The following PIGN variants were observed in gnomAD, a reference collection of about 807,000 sequenced individuals.
The protein encoded by PIGN is GPI ethanolamine phosphate transferase 1.
A neutral mutation model predicts 125.4 loss-of-function variants in PIGN; 117 were observed. The ratio of observed to expected loss-of-function variants is 0.93; its 90% CI spans 0.80 to 1.09. The LOEUF (loss-of-function observed/expected upper bound fraction) is 1.09, where lower values mean the gene tolerates loss of function less well. Among genes scored for constraint, PIGN ranks in the 50% least tolerant of loss-of-function variants. PIGN has a pLI of 0.00. For missense variants in PIGN, 1,075 were observed against 1,094.9 expected, an observed-to-expected ratio of 0.98 and a Z score of 0.26; for synonymous variants, 392 against 377.8, an observed-to-expected ratio of 1.04 and a Z score of -0.44.
chr18:62,030,715 G>A (rs964546734), intron 23 of PIGN, among the ~76,000 whole-genome samples: 4 of 152,158 alleles, frequency 2.6e-5, no homozygotes, highest in African/African-American at 7.2e-5. Flanking sequence ...CCAGTAAATT[G>A]CTTGTGCTAT....
In PIGN at chr18:62,107,860, C is replaced by G. The variant is rs544596868; in HGVS notation, c.1575-775G>C. 2.6e-5 allele frequency among the ~76,000 whole-genome samples: 4 copies of G among 152,220 alleles called. No individual in the cohort carries two copies. The South Asian group carries it at 8.3e-4, about 32-fold the overall frequency. ...GAAAAATCTTAATTACATTTTCTAA[C>G]TGAGCTAAATAACCTTTTCCAAACC... On this transcript the variant is annotated intron_variant, in intron 17 of 30. Coordinates refer to ENST00000640252, the MANE Select transcript of PIGN (RefSeq NM_176787.5).
At chr18:62,024,469 AT>A (rs1160648761) in intron 23 of PIGN, among the ~76,000 whole-genome samples, 2 of 152,134 alleles carry the variant, frequency 1.3e-5, no homozygotes, top group African/African-American at 4.8e-5. Context: ...ATCTGATATC[AT>A]TTATACAATC....
chr18:62,086,127 A>G (rs1245152206), intron 25 of PIGN, among the ~76,000 whole-genome samples: 1 of 152,234 alleles, frequency 6.6e-6, no homozygotes, highest in African/African-American at 2.4e-5. Flanking sequence ...CATAAATAAA[A>G]TAGTCTCAAA....
downstream of PIGN, among the ~76,000 whole-genome samples, chr18:62,037,072 C>T (rs1028661653): frequency 1.3e-5 from 2 of 152,188 alleles, no homozygotes; most frequent in African/African-American, 4.8e-5. Flanking sequence ...ATGCCACTGA[C>T]CTGCACATTA....
At position 62,033,339 on chromosome 18, in the gene PIGN, C is replaced by A. The variant is rs116657956; in HGVS notation, c.2143-15598G>T. Among the ~76,000 whole-genome samples the A allele has an allele frequency of 9.7e-4, 147 of 152,214 alleles. 1 individual carries two copies. The highest frequency in any genetic ancestry group is 3.4e-3 in the African/African-American group (143 of 41,544). On this transcript the variant is annotated intron_variant, in intron 23 of 24. Coordinates refer to the PIGN transcript ENST00000639600. Reference sequence around the variant, plus strand: ...AAGTTGGATTGAGAGGAAAGCATACCGATAAGAGGCTGCCTCATACTGAAC... The same window carrying A: ...AAGTTGGATTGAGAGGAAAGCATACAGATAAGAGGCTGCCTCATACTGAAC...
At chr18:62,040,328 T>C (rs2030337298), downstream of PIGN, among the ~76,000 whole-genome samples, 1 of 152,146 alleles carries the variant, frequency 6.6e-6, no homozygotes, top group Non-Finnish European at 1.5e-5. Context: ...CCCCATGCAG[T>C]GGTCATGTCT....
At chr18:62,145,400 A>G (rs531849352) in intron 10 of PIGN, among the ~76,000 whole-genome samples, 2 of 152,256 alleles carry the variant, frequency 1.3e-5, no homozygotes, top group Non-Finnish European at 2.9e-5. Context: ...CATGCTGTTG[A>G]GTGCATTATT....
chr18:62,173,380 C>G (rs2037406584), intron 1 of PIGN, among the ~76,000 whole-genome samples: 1 of 152,018 alleles, frequency 6.6e-6, no homozygotes, highest in Non-Finnish European at 1.5e-5. Flanking sequence ...ACAAGGTGTG[C>G]CACTACACCT....
At chr18:62,183,843 TA>T (rs11402487) in intron 1 of PIGN, among the ~76,000 whole-genome samples, 17 of 146,818 alleles carry the variant, frequency 1.2e-4, no homozygotes, top group Middle Eastern at 3.5e-3. Context: ...GAAAATACTT[TA>T]AAAAAAAAAA....
intron 14 of PIGN, among the ~76,000 whole-genome samples, chr18:62,115,166 A>G (rs1396978135): frequency 6.6e-6 from 1 of 152,158 alleles, no homozygotes; most frequent in Non-Finnish European, 1.5e-5. Context: ...ATACTATATC[A>G]TATACCTTCT....
At chr18:62,128,454 T>C (rs1225503130) in intron 14 of PIGN, among the ~76,000 whole-genome samples, 2 of 152,062 alleles carry the variant, frequency 1.3e-5, no homozygotes, top group Admixed American at 1.3e-4. Context: ...CCACGGAAGG[T>C]ATTTTACATT....
In PIGN at chr18:62,072,729, T is replaced by TTAA. The variant is rs112622481; in HGVS notation, c.2620-5_2620-4insTTA. 1 of 1,425,048 alleles carries TTAA rather than the reference T, an allele frequency of 7.0e-7. No homozygotes were observed. The highest frequency in any genetic ancestry group is 2.4e-5 in the East Asian group (1 of 41,062). 88.3% of individuals were successfully genotyped at this position (1,425,048 alleles called of 1,614,324 possible). A position where few individuals can be genotyped will look rare whatever the true frequency, so the allele number is the denominator to read the frequency against. On this transcript the variant is annotated splice_polypyrimidine_tract_variant and splice_region_variant and intron_variant, in intron 29 of 30. Coordinates refer to ENST00000640252, the MANE Select transcript of PIGN (RefSeq NM_176787.5). Reference sequence around the variant, plus strand: ...CCTTGACCAAGAAGAAAAAATGCTGTAAAAAAAAAAAAAGGCTTAATGAAA... The same window carrying TTAA: ...CCTTGACCAAGAAGAAAAAATGCTGTTAAAAAAAAAAAAAAAGGCTTAATGAAA...
At chr18:62,182,916 T>C (rs2037766976) in intron 1 of PIGN, among the ~76,000 whole-genome samples, 2 of 152,200 alleles carry the variant, frequency 1.3e-5, no homozygotes, top group Admixed American at 1.3e-4. Flanking sequence ...AGAAGCAGAA[T>C]GGTGGTAACC....
intron 19 of PIGN, among the ~76,000 whole-genome samples, chr18:62,105,976 C>T (rs1447092789): frequency 1.3e-5 from 2 of 152,082 alleles, no homozygotes; most frequent in Non-Finnish European, 2.9e-5. Context: ...ATAAGTAGTA[C>T]CAGGTCCATG....
chr18:62,112,979 A>C (rs747747737), intron 16 of PIGN, 155 bp downstream of exon 16: 112 of 565,210 alleles, frequency 2.0e-4, no homozygotes, highest in South Asian at 1.6e-3. Flanking sequence ...AGAAACAGAG[A>C]TAACTGAGGA....
At chr18:62,101,037 A>G in intron 22 of PIGN, 38 bp downstream of exon 22, 1 of 1,008,290 alleles carries the variant, frequency 9.9e-7, no homozygotes, top group Non-Finnish European at 1.6e-6. Context: ...AACTAAGTTG[A>G]TGTCAAATTA....
rs1478932484 is a variant in PIGN, at chr18:62,145,944, A to T, written c.887T>A (p.Val296Glu). The change falls in exon 10 of 31, where the codon GTA becomes GAA. Residue 296 changes from valine (V) to glutamate (E), a missense_variant. Around this residue, in one of 3 missense-constraint regions of PIGN, gnomAD observed 915 missense variants for 908.7 expected, o/e 1.01. Transcript: ENST00000640252. Reference sequence around the variant, plus strand: ...TGCATCATCAAATTGCTGAGCTGATACTCTTTGGGGATACTTGATTCCAGC... The same window carrying T: ...TGCATCATCAAATTGCTGAGCTGATTCTCTTTGGGGATACTTGATTCCAGC... ...WGAGIKYPQR[V>E]SAQQFDDAFL... The T allele has an allele frequency of 2.5e-6, 4 of 1,605,464 alleles. No individual in the cohort carries two copies. Among genetic ancestry groups the T allele is most frequent in the Non-Finnish European group, 2.6e-6 (3 of 1,173,042 alleles).
chr18:62,170,688 ACT>A (rs2147815251), intron 1 of PIGN, among the ~76,000 whole-genome samples: 1 of 152,312 alleles, frequency 6.6e-6, no homozygotes, highest in South Asian at 2.1e-4. Context: ...TCTCATTTTA[ACT>A]CAAAAGTTAG....
In PIGN at chr18:62,062,882, C is replaced by CTTTTTTTTTTTTTTTTTTTTTTTT. The variant is rs71160811; in HGVS notation, c.2672+9767_2672+9790dup. 1.7e-3 allele frequency among the ~76,000 whole-genome samples: 35 copies of CTTTTTTTTTTTTTTTTTTTTTTTT among 21,066 alleles called. 3 individuals are homozygous for CTTTTTTTTTTTTTTTTTTTTTTTT. The highest frequency in any genetic ancestry group is 2.5e-3 in the South Asian group (1 of 394). 13.8% of individuals were successfully genotyped at this position (21,066 alleles called of 152,430 possible). ...ATTTGTTTTATGCTTTTGTATTCTG[C>CTTTTTTTTTTTTTTTTTTTTTTTT]TTTTTTTTTTTTTTTTTTTTTTTTT... On this transcript the variant is annotated intron_variant, in intron 30 of 30. Coordinates refer to ENST00000640252, the MANE Select transcript of PIGN (RefSeq NM_176787.5).
Sources: allele counts gnomAD v4.1 joint callset (sites outside exome capture counted in the v4.1 genomes callset), GRCh38; gene constraint gnomAD v4.1.1; regional missense constraint gnomAD v4.1.1; transcripts MANE v1.5; gene names NCBI Gene and HGNC (gene_info 2026-07-23, HGNC 2026-07-21).